The following ACP6 variants were observed in gnomAD, a reference collection of about 807,000 sequenced individuals.
The protein encoded by ACP6 is acid phosphatase 6, lysophosphatidic.
ACP6 carries 48 observed loss-of-function variants against 48.1 expected under a neutral mutation model. The ratio of observed to expected loss-of-function variants is 1.00; its 90% CI spans 0.79 to 1.27. The LOEUF (loss-of-function observed/expected upper bound fraction) is 1.27, where lower values mean the gene tolerates loss of function less well. Among genes scored for constraint, ACP6 ranks in the 50% most tolerant of loss-of-function variants. ACP6 has a pLI of 0.00. For missense variants in ACP6, 485 were observed against 529.1 expected (o/e 0.92, Z 0.82); for synonymous variants, 172 against 204.2 (o/e 0.84, Z 1.34).
chr1:147,636,028 C>T (rs1659289514), intron 5 of ACP6, among the ~76,000 whole-genome samples: 1 of 152,042 alleles, frequency 6.6e-6, no homozygotes, highest in Non-Finnish European at 1.5e-5. Context: ...TCCACAGGGC[C>T]AAATACTTCT....
At chr1:147,661,183 G>T (rs1188173022) in intron 1 of ACP6, among the ~76,000 whole-genome samples, 1 of 152,104 alleles carries the variant, frequency 6.6e-6, no homozygotes, top group African/African-American at 2.4e-5. Context: ...GCCCAGGCTG[G>T]AGTACAGTGG....
intron 1 of ACP6, among the ~76,000 whole-genome samples, chr1:147,661,804 A>G (rs1553212796): frequency 6.6e-6 from 1 of 152,232 alleles, no homozygotes; most frequent in African/African-American, 2.4e-5. Context: ...AAACAACCTT[A>G]TTGATAACAT....
intron 1 of ACP6, among the ~76,000 whole-genome samples, chr1:147,662,246 C>T (rs2148914382): frequency 6.6e-6 from 1 of 152,316 alleles, no homozygotes; most frequent in East Asian, 1.9e-4. Context: ...TGCCTGCTAA[C>T]ACAATGTCCT....
At chr1:147,640,250 T>C (rs1037593469), downstream of ACP6, among the ~76,000 whole-genome samples, 2 of 152,110 alleles carry the variant, frequency 1.3e-5, no homozygotes, top group Non-Finnish European at 2.9e-5. Context: ...AGGAAAGTGG[T>C]AAAACTGGAA....
chr1:147,652,361 G>A, intron 7 of ACP6, 88 bp downstream of exon 7: 1 of 1,311,796 alleles, frequency 7.6e-7, no homozygotes, highest in Non-Finnish European at 1.0e-6. Context: ...CAGCTGTCAG[G>A]TGTGAGTGGG....
At chr1:147,657,355 T>C (rs1239305091) in intron 4 of ACP6, among the ~76,000 whole-genome samples, 1 of 152,182 alleles carries the variant, frequency 6.6e-6, no homozygotes, top group Non-Finnish European at 1.5e-5. Flanking sequence ...TTCTAGGATT[T>C]TACTCCTAAA....
chr1:147,642,201 T>C (rs587722645), downstream of ACP6: 7 of 152,260 alleles, frequency 4.6e-5, no homozygotes, highest in African/African-American at 1.7e-4. Context: ...GGAGAGTGCA[T>C]AGAAGCCACC....
chr1:147,650,137 A>G lies in ACP6; in HGVS notation c.977+6T>C. 6.2e-7 allele frequency: 1 copy of G among 1,604,746 alleles called. No homozygotes were observed. Among genetic ancestry groups the G allele is most frequent in the South Asian group, 1.1e-5 (1 of 89,622 alleles). On this transcript the variant is annotated splice_donor_region_variant and intron_variant, in intron 8 of 9. Transcript: ENST00000583509. The stretch of plus-strand genomic sequence containing the variant: ...CTGCACAAAGCAGAGTTGCTGTGCC[A>G]GGTACCTGATCTTGTCGGGGGCAGT...
At chr1:147,667,745 C>G (rs1660870507) in intron 1 of ACP6, among the ~76,000 whole-genome samples, 1 of 152,090 alleles carries the variant, frequency 6.6e-6, no homozygotes, top group South Asian at 2.1e-4. Flanking sequence ...AATCCCAGCA[C>G]TTTGGGAGAC....
chr1:147,656,289 A>C (rs1214629621), intron 4 of ACP6, among the ~76,000 whole-genome samples: 1 of 152,204 alleles, frequency 6.6e-6, no homozygotes, highest in Non-Finnish European at 1.5e-5. Flanking sequence ...CTGTAAATCA[A>C]AGGGGTAGGA....
intron 4 of ACP6, among the ~76,000 whole-genome samples, chr1:147,657,764 G>T (rs1432573865): frequency 2.6e-5 from 4 of 152,136 alleles, no homozygotes; most frequent in Non-Finnish European, 4.4e-5. Flanking sequence ...GGAAAGGCAT[G>T]GAAGTAGCTA....
chr1:147,650,599 C>T (rs1454073048), intron 7 of ACP6: 2 of 195,408 alleles, frequency 1.0e-5, no homozygotes, highest in Non-Finnish European at 2.1e-5. Flanking sequence ...TAATAATTTC[C>T]AGGAATTCTA....
intron 1 of ACP6, among the ~76,000 whole-genome samples, chr1:147,668,712 C>CAG (rs1255879434): frequency 6.6e-6 from 1 of 152,034 alleles, no homozygotes; most frequent in African/African-American, 2.4e-5. Flanking sequence ...ATCCCGGTTC[C>CAG]AGAGAGCAAG....
In ACP6 at chr1:147,648,372, T is replaced by C. The variant is rs1659740318; in HGVS notation, c.1017A>G (p.Ile339Met). The C allele has an allele frequency of 6.2e-7, 1 of 1,614,010 alleles. No individual in the cohort carries two copies. Among genetic ancestry groups the C allele is most frequent in the African/African-American group, 1.3e-5 (1 of 74,896 alleles). Residue 339 changes from isoleucine to methionine, a missense_variant, in exon 9 of 10, where the codon ATA (isoleucine) becomes ATG (methionine). Transcript: ENST00000583509. The part of the protein sequence containing the change: ...YLYAAHDVTF[I>M]PLLMTLGIFD... ...AAATCCCCAGGGTCATTAAGAGCGG[T>C]ATGAAGGTCACATCATGAGCCGCAT...
Position 147,653,120 on chromosome 1 carries a change from C to T in ACP6, c.781-571G>A, listed in dbSNP as rs144983434. 3.9e-5 allele frequency among the ~76,000 whole-genome samples: 6 copies of T among 152,196 alleles called. No homozygotes were observed. In the East Asian group the frequency reaches 1.2e-3, roughly 29 times the overall value. On this transcript the variant is annotated intron_variant, in intron 6 of 9. Coordinates refer to ENST00000583509, the MANE Select transcript of ACP6 (RefSeq NM_016361.5). ...GGGATTACAGGTGTGAGCCACCGCG[C>T]CCGGCCTGTTTTACTGGTTTTTTTT...
At chr1:147,652,687 T>C in intron 6 of ACP6, 138 bp from the exon 7 acceptor site, 1 of 1,578,680 alleles carries the variant, frequency 6.3e-7, no homozygotes, top group South Asian at 1.1e-5. Flanking sequence ...GCTATGTCTG[T>C]TAACAGGTCA....
At chr1:147,629,906 C>T (rs1553207145) in exon 6 of ACP6, 43 of 152,262 alleles carry the variant, frequency 2.8e-4, no homozygotes, top group Middle Eastern at 3.4e-3. Flanking sequence ...AACTTTCTGT[C>T]TCAGTGCTTA....
At chr1:147,655,358 A>G (rs1660200342) in intron 4 of ACP6, 110 bp from the exon 5 acceptor site, 2 of 816,602 alleles carry the variant, frequency 2.4e-6, no homozygotes, top group Non-Finnish European at 4.0e-6. Flanking sequence ...CTGCTCTGAG[A>G]GGCAGATCAT....
At chr1:147,652,417 G>A (rs1236765702) in intron 7 of ACP6, 32 bp downstream of exon 7, 14 of 1,591,582 alleles carry the variant, frequency 8.8e-6, no homozygotes, top group South Asian at 1.1e-5. Context: ...CTGACCAAGC[G>A]TGACTTCATG....
Sources: allele counts gnomAD v4.1 joint callset (sites outside exome capture counted in the v4.1 genomes callset), GRCh38; gene constraint gnomAD v4.1.1; transcripts MANE v1.5; gene names NCBI Gene and HGNC (gene_info 2026-07-23, HGNC 2026-07-21).